TAB2: variants seen among roughly 807,000 people sequenced by gnomAD.
The protein encoded by TAB2 is TGF-beta activated kinase 1 (MAP3K7) binding protein 2.
In TAB2, 3 loss-of-function variants were observed where a neutral mutation model predicts 65.0. The ratio of observed to expected loss-of-function variants is 0.05; its 90% confidence interval spans 0.02 to 0.12. The LOEUF (loss-of-function observed/expected upper bound fraction) is 0.12. Ranked by LOEUF, TAB2 falls within the 10% of genes least tolerant of loss-of-function variation. The pLI is 1.00. For missense variants in TAB2, 623 were observed against 840.3 expected, an observed-to-expected ratio of 0.74 and a Z score of 3.20; for synonymous variants, 298 against 285.1, an observed-to-expected ratio of 1.05 and a Z score of -0.46.
chr6:149,326,944 AGG>A (rs1779639125), intron 1 of TAB2, among the ~76,000 whole-genome samples: 1 of 152,220 alleles, frequency 6.6e-6, no homozygotes, highest in Non-Finnish European at 1.5e-5. Flanking sequence ...CCTTTTGGAT[AGG>A]TCACTTAATA....
intron 1 of TAB2, among the ~76,000 whole-genome samples, chr6:149,341,716 T>C (rs940892453): frequency 2.6e-5 from 4 of 152,228 alleles, no homozygotes; most frequent in African/African-American, 9.6e-5. Context: ...TTACTCTGTT[T>C]TGCTGTTTAT....
chr6:149,384,852 G>A (rs1390359165), intron 3 of TAB2, among the ~76,000 whole-genome samples: 2 of 152,028 alleles, frequency 1.3e-5, no homozygotes, highest in Non-Finnish European at 2.9e-5. Context: ...TTTTGTTACA[G>A]AAGCCAGAAA....
chr6:149,306,968 C>G (rs1000405994), intron 1 of TAB2, among the ~76,000 whole-genome samples: 4 of 152,158 alleles, frequency 2.6e-5, no homozygotes, highest in African/African-American at 4.8e-5. Flanking sequence ...CCCCACATAA[C>G]AGTAATTGTC....
upstream of TAB2, among the ~76,000 whole-genome samples, chr6:149,316,700 T>C (rs1299568789): frequency 2.0e-5 from 3 of 152,092 alleles, no homozygotes; most frequent in Non-Finnish European, 4.4e-5. Flanking sequence ...CCCCCCCTCT[T>C]CCCGCAAAGC....
intron 1 of TAB2, among the ~76,000 whole-genome samples, chr6:149,283,141 G>A (rs1398597333): frequency 6.6e-6 from 1 of 152,196 alleles, no homozygotes; most frequent in Non-Finnish European, 1.5e-5. Flanking sequence ...GGGTGACACC[G>A]TTCACCAGCT....
At chr6:149,386,948 TTTAAA>T (rs1781826456) in intron 3 of TAB2, among the ~76,000 whole-genome samples, 1 of 152,192 alleles carries the variant, frequency 6.6e-6, no homozygotes, top group African/African-American at 2.4e-5. Context: ...TTTGCCTACT[TTTAAA>T]TTAGGTTATT....
chr6:149,229,396 G>A (rs1484423972), intron 1 of TAB2, among the ~76,000 whole-genome samples: 4 of 18,944 alleles, frequency 2.1e-4, no homozygotes, highest in South Asian at 1.7e-3. Flanking sequence ...TTAAAGACGT[G>A]TGTGTGTGTG....
intron 1 of TAB2, among the ~76,000 whole-genome samples, chr6:149,358,403 A>G (rs1780738666): frequency 6.6e-6 from 1 of 152,104 alleles, no homozygotes; most frequent in African/African-American, 2.4e-5. Context: ...TGAACTCAAA[A>G]AGTTTCCAGT....
rs372787537 is a variant in TAB2, at chr6:149,306,573, AC to A, written c.-120-71444del. ...ACTCCGTCTCAAAAAAAAAAAAAAA[AC>A]AAAAAACAAAAAAAAACACACACAC... On this transcript the variant is annotated intron_variant, in intron 1 of 1. Transcript: ENST00000606202. Among the ~76,000 whole-genome samples, 842 of 146,696 alleles carry A rather than the reference AC, an allele frequency of 5.7e-3. 2 individuals carry two copies. The highest frequency in any genetic ancestry group is 8.4e-3 in the African/African-American group (331 of 39,250).
upstream of TAB2, among the ~76,000 whole-genome samples, chr6:149,317,022 C>G (rs1460772681): frequency 6.6e-6 from 1 of 150,566 alleles, no homozygotes; most frequent in African/African-American, 2.4e-5. This position sits in a 1 kb window ranked among gnomAD's most constrained non-coding sequence, Gnocchi z 4.7. Flanking sequence ...CTCCTCTCGG[C>G]CGCCGCAGCG....
chr6:149,368,632 T>C (rs1781116101), intron 1 of TAB2, among the ~76,000 whole-genome samples: 2 of 146,170 alleles, frequency 1.4e-5, no homozygotes, highest in Admixed American at 1.4e-4. Flanking sequence ...ACACTACTTT[T>C]GAATGCGAAA....
chr6:149,347,804 AGTATT>A lies in TAB2; in HGVS notation c.-89-22104_-89-22100del, dbSNP rs1393627195. Among the ~76,000 whole-genome samples the A allele has an allele frequency of 6.3e-4, 96 of 152,274 alleles. 1 individual carries two copies. Among genetic ancestry groups the A allele is most frequent in the Admixed American group, 6.2e-3 (95 of 15,304 alleles). ...AGTTAATTAAATCTGAAGTGCACCAAGTATTAGCTAACTGGTATATGATATGATAC... is the reference window on the plus strand; with the variant it reads ...AGTTAATTAAATCTGAAGTGCACCAAAGCTAACTGGTATATGATATGATAC... On this transcript the variant is annotated intron_variant, in intron 1 of 6. Transcript: ENST00000637181.
intron 1 of TAB2, among the ~76,000 whole-genome samples, chr6:149,358,640 C>CTCTGTGTG (rs1554261848): frequency 2.5e-5 from 3 of 121,632 alleles, no homozygotes; most frequent in African/African-American, 8.8e-5. Context: ...CTTCAGAACT[C>CTCTGTGTG]TGTGTGTGTG....
chr6:149,251,042 T>A (rs1315663270), intron 1 of TAB2, among the ~76,000 whole-genome samples: 1 of 152,166 alleles, frequency 6.6e-6, no homozygotes, highest in Non-Finnish European at 1.5e-5. Flanking sequence ...ACTCCCTCTT[T>A]CTCCATTTTC....
intron 1 of TAB2, among the ~76,000 whole-genome samples, chr6:149,319,915 C>T (rs1178201187): frequency 6.6e-6 from 1 of 152,138 alleles, no homozygotes; most frequent in Non-Finnish European, 1.5e-5. Flanking sequence ...ATAAAATGGT[C>T]AGAACCTCAT....
Position 149,359,874 on chromosome 6 carries a change from CA to C in TAB2, c.-89-10034del, listed in dbSNP as rs568952883. Among the ~76,000 whole-genome samples, 586 of 152,300 alleles carry C rather than the reference CA, an allele frequency of 3.8e-3. 2 individuals carry two copies. Among genetic ancestry groups the C allele is most frequent in the Non-Finnish European group, 6.4e-3 (433 of 68,026 alleles). On this transcript the variant is annotated intron_variant, in intron 1 of 6. Transcript: ENST00000637181. ...GTTCTGAACTAGCTCAGTACACTATCATTCTGGAACTGAAGCCAAGTTTTTT... is the reference window on the plus strand; with the variant it reads ...GTTCTGAACTAGCTCAGTACACTATCTTCTGGAACTGAAGCCAAGTTTTTT...
chr6:149,373,782 A>G (rs192261742), intron 2 of TAB2, among the ~76,000 whole-genome samples: 4 of 152,294 alleles, frequency 2.6e-5, no homozygotes, highest in African/African-American at 9.6e-5. Context: ...CTTTTGATAC[A>G]CTTCAAGAGA....
chr6:149,239,231 T>C (rs1007432853), intron 1 of TAB2, among the ~76,000 whole-genome samples: 19 of 152,236 alleles, frequency 1.2e-4, no homozygotes, highest in Admixed American at 3.9e-4. Flanking sequence ...ATATGATCGC[T>C]TGATAGACAA....
chr6:149,356,553 G>C (rs1448841469), intron 1 of TAB2, among the ~76,000 whole-genome samples: 1 of 152,138 alleles, frequency 6.6e-6, no homozygotes, highest in African/African-American at 2.4e-5. Flanking sequence ...GCACCTTTTA[G>C]CTATGTCCTC....
Sources: gnomAD v4.1 joint callset for allele counts (sites outside exome capture counted in the v4.1 genomes callset) on GRCh38, gnomAD v4.1.1 for gene constraint, Gnocchi (gnomAD v3.1) non-coding constraint, MANE v1.5 for transcripts, NCBI Gene and HGNC (gene_info 2026-07-23, HGNC 2026-07-21) for gene names.